The following CDH12 variants were observed in gnomAD, a reference collection of about 807,000 sequenced individuals.
CDH12 encodes the protein cadherin 12.
Under a neutral mutation model 74.1 loss-of-function variants are expected in CDH12, and 41 were observed. The ratio of observed to expected loss-of-function variants is 0.55; its 90% CI spans 0.43 to 0.72. CDH12 has a LOEUF of 0.72. CDH12 is among the 30% of genes least tolerant of loss of function. CDH12 has a pLI of 0.00. For synonymous variants in CDH12, 399 were observed against 355.0 expected, an observed-to-expected ratio of 1.12 and a Z score of -1.39; for missense variants, 945 against 977.2, an observed-to-expected ratio of 0.97 and a Z score of 0.44.
chr5:22,588,042 A>G (rs1740501073), intron 1 of CDH12, among the ~76,000 whole-genome samples: 1 of 149,762 alleles, frequency 6.7e-6, no homozygotes, highest in South Asian at 2.1e-4. Flanking sequence ...ATACACACAT[A>G]TATATGTGTG....
intron 1 of CDH12, among the ~76,000 whole-genome samples, chr5:22,838,032 A>G (rs1370543958): frequency 1.3e-5 from 2 of 152,170 alleles, no homozygotes; most frequent in Non-Finnish European, 2.9e-5. Flanking sequence ...AAGTGAAAAA[A>G]TAACCATTAT....
At chr5:22,045,565 A>G (rs1242715857) in intron 5 of CDH12, among the ~76,000 whole-genome samples, 1 of 151,376 alleles carries the variant, frequency 6.6e-6, no homozygotes, top group African/African-American at 2.4e-5. Context: ...GGGTAAAGAA[A>G]ATATGATATA....
intron 1 of CDH12, among the ~76,000 whole-genome samples, chr5:22,820,483 C>G (rs868680438): frequency 2.0e-5 from 3 of 151,456 alleles, no homozygotes; most frequent in African/African-American, 7.3e-5. Context: ...ATCGATAGAC[C>G]GCTAGCAAGA....
chr5:21,769,311 T>G (rs1745195341), intron 11 of CDH12, among the ~76,000 whole-genome samples: 2 of 151,944 alleles, frequency 1.3e-5, no homozygotes, highest in Non-Finnish European at 2.9e-5. Flanking sequence ...AAGAAAGAAA[T>G]AAAATGATTA....
intron 3 of CDH12, among the ~76,000 whole-genome samples, chr5:22,345,144 T>A (rs1028236993): frequency 6.6e-6 from 1 of 152,172 alleles, no homozygotes; most frequent in Non-Finnish European, 1.5e-5. Context: ...GCCCATGGTG[T>A]TCCTATTCTG....
chr5:22,462,660 T>C (rs1745568756), intron 2 of CDH12, among the ~76,000 whole-genome samples: 1 of 152,164 alleles, frequency 6.6e-6, no homozygotes, highest in Non-Finnish European at 1.5e-5. Flanking sequence ...ATATAATTCC[T>C]TGAGCCCTGA....
intron 2 of CDH12, among the ~76,000 whole-genome samples, chr5:22,473,806 A>G (rs1479684822): frequency 6.6e-6 from 1 of 152,128 alleles, no homozygotes; most frequent in Non-Finnish European, 1.5e-5. Flanking sequence ...TGATATATAT[A>G]GTGTAATGGA....
chr5:21,762,498 C>T (rs899100101), intron 12 of CDH12, among the ~76,000 whole-genome samples: 4 of 152,066 alleles, frequency 2.6e-5, no homozygotes, highest in Admixed American at 2.6e-4. Flanking sequence ...AACATATATA[C>T]ATTTCTCATA....
At chr5:22,456,250 G>GTA (rs1460899477) in intron 2 of CDH12, among the ~76,000 whole-genome samples, 1 of 150,492 alleles carries the variant, frequency 6.6e-6, no homozygotes, top group Non-Finnish European at 1.5e-5. Flanking sequence ...ATATATGTGT[G>GTA]TGTGTGTGTG....
rs1230614289 is a variant in CDH12 at position 22,471,176 on chromosome 5, C to A, written c.-428+34094G>T. ...ATTCAGGAGAAAAATTGCACCTGTT[C>A]TTTCAACACCCAATGAACAATCTCC... On this transcript the variant is annotated intron_variant, in intron 2 of 14. Transcript: ENST00000382254. 2.0e-5 allele frequency among the ~76,000 whole-genome samples: 3 copies of A among 152,142 alleles called. 1 individual carries two copies. The East Asian group carries it at 5.8e-4, about 29-fold the overall frequency.
chr5:22,712,675 C>A (rs1743348924), intron 1 of CDH12, among the ~76,000 whole-genome samples: 1 of 151,998 alleles, frequency 6.6e-6, no homozygotes, highest in Non-Finnish European at 1.5e-5. Context: ...TTACAACAAC[C>A]TTATGAAGTA....
Position 22,644,380 on chromosome 5 carries a change from A to G in CDH12, c.-522-139016T>C, listed in dbSNP as rs376834566. Among the ~76,000 whole-genome samples, 4 of 152,164 alleles carry G rather than the reference A, an allele frequency of 2.6e-5. No individual in the cohort carries two copies. The East Asian group carries it at 7.7e-4, about 29-fold the overall frequency. On this transcript the variant is annotated intron_variant, in intron 1 of 14. Transcript: ENST00000382254. ...TTATTGCTAATACGGAAAAAATTTC[A>G]GTGAGTTAGATTGAAGATCAAACCA...
intron 4 of CDH12, among the ~76,000 whole-genome samples, chr5:22,109,120 T>C (rs375012734): frequency 7.4e-4 from 113 of 152,304 alleles, no homozygotes; most frequent in African/African-American, 2.5e-3. Context: ...TTACTCTTTA[T>C]GATATTTGGA....
intron 3 of CDH12, among the ~76,000 whole-genome samples, chr5:22,388,341 T>C (rs1742089193): frequency 6.6e-6 from 1 of 151,920 alleles, no homozygotes; most frequent in African/African-American, 2.4e-5. Context: ...TAATGTATAA[T>C]AATATATTAA....
At chr5:22,265,871 T>C (rs896231015) in intron 3 of CDH12, among the ~76,000 whole-genome samples, 8 of 151,970 alleles carry the variant, frequency 5.3e-5, no homozygotes, top group Non-Finnish European at 2.9e-5. Flanking sequence ...ACACAGATGA[T>C]TGGTACACTT....
At chr5:22,772,705 G>A (rs1437091510) in intron 1 of CDH12, among the ~76,000 whole-genome samples, 1 of 152,040 alleles carries the variant, frequency 6.6e-6, no homozygotes, top group East Asian at 1.9e-4. Context: ...AAGGTATGCA[G>A]AAACCATGCC....
chr5:22,117,511 TAATATATATATAATATATA>T (rs1745235070), intron 4 of CDH12, among the ~76,000 whole-genome samples: 1 of 50,512 alleles, frequency 2.0e-5, no homozygotes, highest in African/African-American at 9.0e-5. Context: ...AATATATATA[TAATATATATATAATATATA>T]TATATATATA....
At chr5:22,301,160 TA>T (rs1462602260) in intron 3 of CDH12, among the ~76,000 whole-genome samples, 1 of 152,212 alleles carries the variant, frequency 6.6e-6, no homozygotes, top group African/African-American at 2.4e-5. Flanking sequence ...AAGGAATATT[TA>T]AATTCTACCC....
chr5:22,295,425 T>C (rs1737577214), intron 3 of CDH12, among the ~76,000 whole-genome samples: 1 of 152,180 alleles, frequency 6.6e-6, no homozygotes, highest in Non-Finnish European at 1.5e-5. Context: ...GAATCTAAAT[T>C]GCTATAACAT....
Sources: allele counts gnomAD v4.1 joint callset (sites outside exome capture counted in the v4.1 genomes callset), GRCh38; gene constraint gnomAD v4.1.1; transcripts MANE v1.5; gene names NCBI Gene and HGNC (gene_info 2026-07-23, HGNC 2026-07-21).